Variants in PTPRR observed in about 807,000 individuals in gnomAD.
PTPRR encodes the protein protein tyrosine phosphatase receptor type R.
PTPRR carries 38 observed loss-of-function variants against 77.2 expected under a neutral mutation model. The ratio of observed to expected loss-of-function variants is 0.49; its 90% CI spans 0.38 to 0.65. The LOEUF (loss-of-function observed/expected upper bound fraction) is 0.65. PTPRR is among the 30% of genes least tolerant of loss of function. The pLI is 0.00. For missense variants in PTPRR, 744 were observed against 799.2 expected, an observed-to-expected ratio of 0.93 and a Z score of 0.83; for synonymous variants, 299 against 283.1, an observed-to-expected ratio of 1.06 and a Z score of -0.57.
At chr12:70,694,267 C>A (rs1888153312) in intron 8 of PTPRR, among the ~76,000 whole-genome samples, 1 of 151,954 alleles carries the variant, frequency 6.6e-6, no homozygotes, top group African/African-American at 2.4e-5. Flanking sequence ...AAAATGATGA[C>A]CTGAGTAAAT....
chr12:70,815,325 CAGTT>C (rs1891883767), intron 2 of PTPRR, among the ~76,000 whole-genome samples: 1 of 151,966 alleles, frequency 6.6e-6, no homozygotes, highest in African/African-American at 2.4e-5. Flanking sequence ...AACAAAGCCT[CAGTT>C]AGTTGTGGGA....
intron 6 of PTPRR, among the ~76,000 whole-genome samples, chr12:70,737,524 A>G (rs1033632957): frequency 6.6e-6 from 1 of 150,556 alleles, no homozygotes; most frequent in African/African-American, 2.5e-5. Context: ...CTATCTATCT[A>G]TCTATCTATC....
Position 70,786,244 on chromosome 12 carries a change from C to T in PTPRR, c.358-21466G>A, listed in dbSNP as rs549750469. ...TTTCTGAAAGGACAGAGACTTCTCA[C>T]TACAGTGTTCAGTAAGAATTGAGAC... is the stretch of plus-strand genomic sequence containing the variant. On this transcript the variant is annotated intron_variant, in intron 2 of 13. Coordinates refer to ENST00000283228, the MANE Select transcript of PTPRR (RefSeq NM_002849.4). 3.7e-4 allele frequency among the ~76,000 whole-genome samples: 56 copies of T among 152,292 alleles called. 2 individuals are homozygous for T. In the East Asian group the frequency reaches 0.01, roughly 28 times the overall value.
chr12:70,891,982 A>T (rs1893345407), intron 2 of PTPRR, among the ~76,000 whole-genome samples: 1 of 152,052 alleles, frequency 6.6e-6, no homozygotes, highest in Non-Finnish European at 1.5e-5. Context: ...CCAGAGAGTG[A>T]CTGTAGTTCA....
intron 6 of PTPRR, among the ~76,000 whole-genome samples, chr12:70,743,669 G>C (rs1890122572): frequency 6.6e-6 from 1 of 152,112 alleles, no homozygotes; most frequent in African/African-American, 2.4e-5. Context: ...TTGTAGATAA[G>C]GGGACAGAGG....
At chr12:70,676,567 T>A (rs905680019) in intron 10 of PTPRR, among the ~76,000 whole-genome samples, 16 of 152,078 alleles carry the variant, frequency 1.1e-4, no homozygotes, top group Non-Finnish European at 1.5e-4. Flanking sequence ...GAGAGTTTTT[T>A]AATTTTATTT....
chr12:70,650,643 C>T (rs1470742171), intron 13 of PTPRR, among the ~76,000 whole-genome samples: 2 of 152,090 alleles, frequency 1.3e-5, no homozygotes, highest in Non-Finnish European at 2.9e-5. Flanking sequence ...ACCCAGGTGC[C>T]TGATTCATGC....
intron 6 of PTPRR, among the ~76,000 whole-genome samples, chr12:70,712,429 T>A (rs930664481): frequency 3.3e-5 from 5 of 151,720 alleles, no homozygotes; most frequent in Non-Finnish European, 5.9e-5. Context: ...ATGCCATTCA[T>A]AATAATTCAT....
intron 6 of PTPRR, among the ~76,000 whole-genome samples, chr12:70,709,584 C>T (rs181618903): frequency 2.6e-5 from 4 of 152,100 alleles, no homozygotes; most frequent in Admixed American, 2.6e-4. Flanking sequence ...TCTAGAAAAC[C>T]CAGAGTTTCA....
At chr12:70,837,089 T>C (rs571189076) in intron 2 of PTPRR, among the ~76,000 whole-genome samples, 1 of 151,904 alleles carries the variant, frequency 6.6e-6, no homozygotes, top group East Asian at 1.9e-4. Flanking sequence ...CAGAATACAA[T>C]TGGGAACAAA....
At chr12:70,854,027 G>C (rs976250222) in intron 2 of PTPRR, among the ~76,000 whole-genome samples, 4 of 152,122 alleles carry the variant, frequency 2.6e-5, no homozygotes, top group Non-Finnish European at 5.9e-5. Flanking sequence ...TTAGAATAGT[G>C]TTCTATCAAA....
chr12:70,700,499 A>G (rs1888382151), intron 7 of PTPRR, among the ~76,000 whole-genome samples: 1 of 152,128 alleles, frequency 6.6e-6, no homozygotes, highest in African/African-American at 2.4e-5. Context: ...CTGTTGGCCA[A>G]ACCAAAAACA....
intron 2 of PTPRR, among the ~76,000 whole-genome samples, chr12:70,815,551 G>A (rs1891888047): frequency 6.6e-6 from 1 of 152,092 alleles, no homozygotes; most frequent in Non-Finnish European, 1.5e-5. Flanking sequence ...TGTCATAATT[G>A]AGTTTACCGT....
At chr12:70,817,482 C>G (rs1320071026) in intron 2 of PTPRR, among the ~76,000 whole-genome samples, 1 of 152,190 alleles carries the variant, frequency 6.6e-6, no homozygotes, top group East Asian at 1.9e-4. Flanking sequence ...GCCATAATAT[C>G]TGTAACACAT....
At position 70,802,156 on chromosome 12, in the gene PTPRR, G is replaced by A. The variant is rs141989634; in HGVS notation, c.358-37378C>T. Among the ~76,000 whole-genome samples, 288 of 152,148 alleles carry A rather than the reference G, an allele frequency of 1.9e-3. No homozygotes were observed. The East Asian group carries it at 0.021, about 11-fold the overall frequency. On this transcript the variant is annotated intron_variant, in intron 2 of 13. Transcript: ENST00000283228. ...AAGAAAAAATGTTAGATCATATGGCGTTCTCATTGAAATAAAATAAATAAT... is the reference window on the plus strand; with the variant it reads ...AAGAAAAAATGTTAGATCATATGGCATTCTCATTGAAATAAAATAAATAAT...
chr12:70,825,761 A>G (rs1402387979), intron 2 of PTPRR, among the ~76,000 whole-genome samples: 1 of 152,166 alleles, frequency 6.6e-6, no homozygotes, highest in Non-Finnish European at 1.5e-5. Context: ...GTGTGTCTTT[A>G]CCATCTTATA....
intron 2 of PTPRR, among the ~76,000 whole-genome samples, chr12:70,850,877 T>A (rs1892561556): frequency 6.6e-6 from 1 of 152,170 alleles, no homozygotes; most frequent in Non-Finnish European, 1.5e-5. Context: ...CCTCAGTACA[T>A]CTTTTGTTGA....
chr12:70,694,521 A>G (rs1016615418), intron 8 of PTPRR, among the ~76,000 whole-genome samples: 3 of 152,318 alleles, frequency 2.0e-5, no homozygotes, highest in Admixed American at 2.0e-4. Flanking sequence ...ATGCAGCTGG[A>G]GGCCATTATT....
chr12:70,825,286 T>G (rs959695175), intron 2 of PTPRR, among the ~76,000 whole-genome samples: 1 of 151,532 alleles, frequency 6.6e-6, no homozygotes, highest in Non-Finnish European at 1.5e-5. Context: ...CTCAAAAAAA[T>G]AAAAATAAAA....
Sources: allele counts gnomAD v4.1 joint callset (sites outside exome capture counted in the v4.1 genomes callset), GRCh38; gene constraint gnomAD v4.1.1; transcripts MANE v1.5; gene names NCBI Gene and HGNC (gene_info 2026-07-23, HGNC 2026-07-21).